UGT1A8: variants seen among roughly 807,000 people sequenced by gnomAD.
The protein encoded by UGT1A8 is UDP-glucuronosyltransferase 1A8.
Under a neutral mutation model 45.3 loss-of-function variants are expected in UGT1A8, and 39 were observed. That is an observed-to-expected ratio of 0.86 (90% confidence interval 0.67 to 1.12). The LOEUF (loss-of-function observed/expected upper bound fraction) is 1.12. UGT1A8 is among the 50% of genes most tolerant of loss of function. The pLI, the probability that UGT1A8 is intolerant of heterozygous loss-of-function variation, is 0.00. For missense variants in UGT1A8, 719 were observed against 664.9 expected, an observed-to-expected ratio of 1.08 and a Z score of -0.90; for synonymous variants, 275 against 249.2, an observed-to-expected ratio of 1.10 and a Z score of -0.97.
chr2:233,709,769 A>G (rs1412530011), intron 1 of UGT1A8, among the ~76,000 whole-genome samples: 2 of 152,208 alleles, frequency 1.3e-5, no homozygotes, highest in African/African-American at 4.8e-5. Flanking sequence ...TATTATTTAC[A>G]TGCAATAAAG....
chr2:233,705,434 C>T (rs1056138201), intron 1 of UGT1A8, among the ~76,000 whole-genome samples: 1 of 152,130 alleles, frequency 6.6e-6, no homozygotes, highest in African/African-American at 2.4e-5. Flanking sequence ...CATAACTTAT[C>T]CTTCAGAATT....
intron 1 of UGT1A8, among the ~76,000 whole-genome samples, chr2:233,663,878 A>G (rs901846785): frequency 5.3e-5 from 8 of 152,112 alleles, no homozygotes; most frequent in Non-Finnish European, 1.2e-4. Context: ...TTTTGATTCT[A>G]TGAATTTCTC....
At chr2:233,753,470 T>A (rs532317483) in intron 1 of UGT1A8, 1 of 152,352 alleles carries the variant, frequency 6.6e-6, no homozygotes, top group South Asian at 2.1e-4. Context: ...CTGTAAAAAA[T>A]TACCAGCATG....
At chr2:233,651,973 C>T (rs1181626745) in intron 1 of UGT1A8, among the ~76,000 whole-genome samples, 2 of 151,934 alleles carry the variant, frequency 1.3e-5, no homozygotes, top group African/African-American at 4.8e-5. Context: ...TTCAAGAGAA[C>T]ATCAAGATAG....
intron 1 of UGT1A8, chr2:233,692,770 A>T (rs1187412546): frequency 7.8e-7 from 1 of 1,276,410 alleles, no homozygotes; most frequent in African/African-American, 1.5e-5. Context: ...GAAGAGAAAC[A>T]CCCAGAAGCT....
At chr2:233,677,380 T>C (rs2074389038) in intron 1 of UGT1A8, among the ~76,000 whole-genome samples, 1 of 152,188 alleles carries the variant, frequency 6.6e-6, no homozygotes, top group South Asian at 2.1e-4. Context: ...CCGTGTGTAG[T>C]AGAAAATCCG....
intron 1 of UGT1A8, among the ~76,000 whole-genome samples, chr2:233,676,207 T>C (rs2074350761): frequency 6.6e-6 from 1 of 152,164 alleles, no homozygotes; most frequent in Non-Finnish European, 1.5e-5. Flanking sequence ...CTCTGATGAA[T>C]CCTTCACCGA....
At chr2:233,706,618 G>A (rs2075916181) in intron 1 of UGT1A8, among the ~76,000 whole-genome samples, 1 of 152,146 alleles carries the variant, frequency 6.6e-6, no homozygotes, top group East Asian at 1.9e-4. Context: ...GAAGACTAGA[G>A]AAATGAGTGT....
intron 1 of UGT1A8, among the ~76,000 whole-genome samples, chr2:233,683,560 T>G (rs1408548719): frequency 6.6e-6 from 1 of 152,212 alleles, no homozygotes; most frequent in African/African-American, 2.4e-5. Context: ...GGCCTTCTTT[T>G]GCTATTACAT....
chr2:233,752,951 A>G (rs745809226), intron 1 of UGT1A8, among the ~76,000 whole-genome samples: 1 of 152,216 alleles, frequency 6.6e-6, no homozygotes, highest in Admixed American at 6.5e-5. Flanking sequence ...CCACTGAACA[A>G]TGGGATTTAT....
At chr2:233,636,913 C>T (rs539495441) in intron 1 of UGT1A8, 53 of 1,613,982 alleles carry the variant, frequency 3.3e-5, no homozygotes, top group Admixed American at 1.0e-4. Flanking sequence ...GTTTAATGAC[C>T]GAAAATTAGT....
intron 1 of UGT1A8, chr2:233,637,065 A>C: frequency 6.2e-7 from 1 of 1,613,970 alleles, no homozygotes; most frequent in Middle Eastern, 1.7e-4. Context: ...AAGAAGGTGC[A>C]CAGTGCCCTG....
At chr2:233,747,362 G>C (rs765094554) in intron 1 of UGT1A8, 99 of 1,603,664 alleles carry the variant, frequency 6.2e-5, no homozygotes, top group Non-Finnish European at 7.6e-5. Flanking sequence ...CCGTGCGGGA[G>C]CTCCATGCCA....
chr2:233,655,638 C>T (rs1295171617), intron 1 of UGT1A8, among the ~76,000 whole-genome samples: 1 of 152,096 alleles, frequency 6.6e-6, no homozygotes, highest in Non-Finnish European at 1.5e-5. Context: ...ACAGACTCTT[C>T]TCTTGTAGGG....
intron 1 of UGT1A8, among the ~76,000 whole-genome samples, chr2:233,750,313 G>A (rs771839306): frequency 6.6e-6 from 1 of 151,862 alleles, no homozygotes; most frequent in Non-Finnish European, 1.5e-5. Context: ...AGAGATCTGT[G>A]GAACTTTGAA....
intron 1 of UGT1A8, among the ~76,000 whole-genome samples, chr2:233,640,901 C>T (rs1270487898): frequency 1.3e-5 from 2 of 152,070 alleles, no homozygotes; most frequent in Non-Finnish European, 2.9e-5. Context: ...GCTGGCAGGA[C>T]CAGGGGAAAG....
chr2:233,633,522 C>A (rs1018770315), intron 1 of UGT1A8, among the ~76,000 whole-genome samples: 1 of 152,186 alleles, frequency 6.6e-6, no homozygotes, highest in African/African-American at 2.4e-5. Context: ...TCTGCTTCTT[C>A]CTGGTTTAGT....
chr2:233,627,647 TCC>T (rs2073111213), intron 1 of UGT1A8, among the ~76,000 whole-genome samples: 1 of 147,570 alleles, frequency 6.8e-6, no homozygotes, highest in Non-Finnish European at 1.5e-5. Context: ...CTTCCTTCCT[TCC>T]TTCCTTCCTT....
chr2:233,681,166 C>T (rs886138503), intron 1 of UGT1A8, among the ~76,000 whole-genome samples: 1 of 151,848 alleles, frequency 6.6e-6, no homozygotes, highest in Non-Finnish European at 1.5e-5. Context: ...GAGGTCAACG[C>T]TAAGACCCTT....
Sources: allele counts gnomAD v4.1 joint callset (sites outside exome capture counted in the v4.1 genomes callset), GRCh38; gene constraint gnomAD v4.1.1; transcripts MANE v1.5; gene names NCBI Gene and HGNC (gene_info 2026-07-23, HGNC 2026-07-21).